Variants in DYM observed in about 807,000 individuals in gnomAD.
DYM encodes dyggve-Melchior-Clausen syndrome protein.
In DYM, 78 loss-of-function variants were observed where a neutral mutation model predicts 93.1. The ratio of observed to expected loss-of-function variants is 0.84; its 90% CI spans 0.70 to 1.01. DYM has a LOEUF of 1.01. Among genes scored for constraint, DYM ranks in the 50% least tolerant of loss-of-function variants. The pLI is 0.00. For synonymous variants in DYM, 321 were observed against 319.7 expected, an observed-to-expected ratio of 1.00 and a Z score of -0.04; for missense variants, 789 against 845.0, an observed-to-expected ratio of 0.93 and a Z score of 0.82.
chr18:49,365,939 C>T lies in DYM; in HGVS notation c.422-2706G>A, dbSNP rs115523052. 3.4e-3 allele frequency among the ~76,000 whole-genome samples: 521 copies of T among 152,326 alleles called. 3 individuals are homozygous for T. Among genetic ancestry groups the T allele is most frequent in the African/African-American group, 0.012 (483 of 41,574 alleles). ...TTGGGTCAATTAAGGAGTATACACA[C>T]AGCTTTGTTACCAATCTAATAAAAT... On this transcript the variant is annotated intron_variant, in intron 5 of 17. Coordinates refer to ENST00000675505, the MANE Select transcript of DYM (RefSeq NM_001353214.3).
chr18:49,093,023 G>A (rs980379787), intron 17 of DYM, among the ~76,000 whole-genome samples: 11 of 152,294 alleles, frequency 7.2e-5, no homozygotes, highest in African/African-American at 2.6e-4. Context: ...AAGAAGGAGA[G>A]AAATAGGAAT....
In DYM at chr18:49,066,328, G is replaced by A. The variant is rs77475586; in HGVS notation, c.2026-22124C>T. 7.5e-3 allele frequency among the ~76,000 whole-genome samples: 1,133 copies of A among 152,050 alleles called. 14 individuals carry two copies. Among genetic ancestry groups the A allele is most frequent in the African/African-American group, 0.025 (1,049 of 41,460 alleles). ...TATACCTGCATTCCATAGCCCTCTC[G>A]GCGAGTTCTATCTGTGAATTTTATG... On this transcript the variant is annotated intron_variant, in intron 17 of 17. Coordinates refer to ENST00000675505, the MANE Select transcript of DYM (RefSeq NM_001353214.3).
intron 16 of DYM, 36 bp from the exon 17 acceptor site, chr18:49,097,551 G>C: frequency 6.4e-7 from 1 of 1,566,868 alleles, no homozygotes. Context: ...AACAAGAAGA[G>C]GTATGAAATG....
intron 2 of DYM, among the ~76,000 whole-genome samples, chr18:49,410,879 A>T (rs2072167286): frequency 6.6e-6 from 1 of 152,220 alleles, no homozygotes; most frequent in Non-Finnish European, 1.5e-5. Context: ...ATTTAGAAAA[A>T]GTATTATTTA....
chr18:49,176,249 TA>T (rs1472251746), intron 14 of DYM, among the ~76,000 whole-genome samples: 2 of 152,080 alleles, frequency 1.3e-5, no homozygotes, highest in African/African-American at 4.8e-5. Flanking sequence ...AAATAATAGG[TA>T]AAATACACAA....
At chr18:49,094,376 G>A (rs114057396) in intron 17 of DYM, among the ~76,000 whole-genome samples, 3,224 of 152,196 alleles carry the variant, frequency 0.021, 34 homozygotes, top group South Asian at 0.063. Context: ...CTTCTAAGTC[G>A]GCTCCCAGAG....
chr18:49,228,867 T>G (rs2093617264), intron 13 of DYM, among the ~76,000 whole-genome samples: 1 of 152,124 alleles, frequency 6.6e-6, no homozygotes, highest in African/African-American at 2.4e-5. Flanking sequence ...AGGTGAAAAC[T>G]GGGTCCAAAG....
At chr18:49,264,722 GAGAA>G (rs1568131230) in intron 11 of DYM, among the ~76,000 whole-genome samples, 1 of 152,170 alleles carries the variant, frequency 6.6e-6, no homozygotes, top group Non-Finnish European at 1.5e-5. Flanking sequence ...GGCTAGGAAA[GAGAA>G]AGAAATATCA....
chr18:49,339,085 T>G (rs1599532858), intron 6 of DYM, among the ~76,000 whole-genome samples: 1 of 151,820 alleles, frequency 6.6e-6, no homozygotes, highest in East Asian at 1.9e-4. Context: ...AAACAGGCAA[T>G]CTGAAACAAG....
intron 13 of DYM, among the ~76,000 whole-genome samples, chr18:49,223,321 C>G (rs2093427526): frequency 6.6e-6 from 1 of 152,036 alleles, no homozygotes; most frequent in South Asian, 2.1e-4. Flanking sequence ...TCTGTGTTGT[C>G]TCACTTAAAA....
intron 14 of DYM, among the ~76,000 whole-genome samples, chr18:49,164,376 A>G (rs1275028535): frequency 6.6e-6 from 1 of 152,206 alleles, no homozygotes; most frequent in Non-Finnish European, 1.5e-5. Flanking sequence ...CAGATGTAAC[A>G]CAACATGTGA....
intron 1 of DYM, among the ~76,000 whole-genome samples, chr18:49,459,886 G>C (rs1479677853): frequency 6.7e-6 from 1 of 150,144 alleles, no homozygotes; most frequent in Non-Finnish European, 1.5e-5. Context: ...AGAAGGAGGA[G>C]TGACTGCTAA....
intron 16 of DYM, among the ~76,000 whole-genome samples, chr18:49,108,584 G>C (rs1033306651): frequency 1.3e-5 from 2 of 152,206 alleles, no homozygotes; most frequent in African/African-American, 4.8e-5. Flanking sequence ...TAATTTCACT[G>C]TGGTCAAAGA....
chr18:49,204,371 C>G (rs185181915), intron 14 of DYM, among the ~76,000 whole-genome samples: 1 of 152,244 alleles, frequency 6.6e-6, no homozygotes, highest in South Asian at 2.1e-4. Flanking sequence ...AACTGTGCCA[C>G]TGCAACAGAA....
At chr18:49,096,207 C>T (rs183437888) in intron 17 of DYM, among the ~76,000 whole-genome samples, 2 of 152,302 alleles carry the variant, frequency 1.3e-5, no homozygotes, top group East Asian at 3.9e-4. Context: ...GCTATTACCA[C>T]ATGGTGGTGC....
At chr18:49,332,065 T>C in intron 7 of DYM, 59 bp from the exon 8 acceptor site, 1 of 1,514,894 alleles carries the variant, frequency 6.6e-7, no homozygotes, top group Admixed American at 1.7e-5. Context: ...TAATTCTGAA[T>C]AACAATACAG....
intron 17 of DYM, among the ~76,000 whole-genome samples, chr18:49,074,408 A>G (rs2077134770): frequency 6.6e-6 from 1 of 152,202 alleles, no homozygotes; most frequent in African/African-American, 2.4e-5. Context: ...GGACTTGAGC[A>G]TCTGTGGATT....
intron 15 of DYM, among the ~76,000 whole-genome samples, chr18:49,155,943 T>C (rs1323698457): frequency 6.6e-6 from 1 of 152,230 alleles, no homozygotes; most frequent in Admixed American, 6.5e-5. Flanking sequence ...AATTTCTCTA[T>C]CATGTGACAA....
At chr18:49,415,550 C>T (rs886932397) in intron 2 of DYM, among the ~76,000 whole-genome samples, 11 of 151,228 alleles carry the variant, frequency 7.3e-5, no homozygotes, top group Middle Eastern at 6.8e-3. Context: ...CCCTTTTTGC[C>T]TTATATGAGC....
Sources: allele counts gnomAD v4.1 joint callset (sites outside exome capture counted in the v4.1 genomes callset), GRCh38; gene constraint gnomAD v4.1.1; transcripts MANE v1.5; gene names NCBI Gene and HGNC (gene_info 2026-07-23, HGNC 2026-07-21).